Variants in ITSN1 observed in about 807,000 individuals in gnomAD.
The protein encoded by ITSN1 is intersectin 1.
In ITSN1, 58 loss-of-function variants were observed where a neutral mutation model predicts 239.8. The observed-to-expected ratio is 0.24, with a 90% confidence interval of 0.20 to 0.30. The LOEUF is 0.30. ITSN1 is among the 10% of genes least tolerant of loss of function. The pLI is 1.00. For missense variants in ITSN1, 1,558 were observed against 2,103.3 expected (o/e 0.74, Z 5.07); for synonymous variants, 780 against 770.8 (o/e 1.01, Z -0.20).
intron 1 of ITSN1, among the ~76,000 whole-genome samples, chr21:33,696,777 T>C (rs903391206): frequency 4.6e-5 from 7 of 152,186 alleles, no homozygotes; most frequent in Admixed American, 4.6e-4. Context: ...AGTTTCTTCT[T>C]TCCTAAAGCT....
intron 22 of ITSN1, among the ~76,000 whole-genome samples, chr21:33,815,277 G>A (rs1258914740): frequency 6.8e-6 from 1 of 148,140 alleles, no homozygotes; most frequent in Non-Finnish European, 1.5e-5. Flanking sequence ...TGTGTTCTGT[G>A]GTCTGGAAGA....
At chr21:33,853,697 G>A (rs1026018252) in intron 29 of ITSN1, among the ~76,000 whole-genome samples, 4 of 152,164 alleles carry the variant, frequency 2.6e-5, no homozygotes, top group Admixed American at 6.5e-5. Flanking sequence ...CAGGGTGCTC[G>A]TCTATTGGCA....
chr21:33,884,804 C>T (rs1260313343), intron 36 of ITSN1, among the ~76,000 whole-genome samples: 2 of 152,164 alleles, frequency 1.3e-5, no homozygotes, highest in African/African-American at 4.8e-5. Flanking sequence ...ATTTTCTTCC[C>T]CGGGGACATC....
At chr21:33,815,799 C>A (rs1004158492) in intron 22 of ITSN1, among the ~76,000 whole-genome samples, 6 of 152,018 alleles carry the variant, frequency 3.9e-5, no homozygotes, top group African/African-American at 1.5e-4. Flanking sequence ...TCAAGTTGGG[C>A]TGCATGATAT....
chr21:33,768,163 AC>A (rs1196169413), intron 11 of ITSN1, among the ~76,000 whole-genome samples: 1 of 152,244 alleles, frequency 6.6e-6, no homozygotes. Flanking sequence ...GCTTAATACC[AC>A]CAGTGCAGAA....
chr21:33,783,691 C>CA (rs11349210), intron 16 of ITSN1, among the ~76,000 whole-genome samples: 3,465 of 132,034 alleles, frequency 0.026, 33 homozygotes, highest in Middle Eastern at 0.043. Context: ...CTTTTATAAG[C>CA]AAAAAAAAAA....
In ITSN1 at chr21:33,845,241, G is replaced by C. The variant is rs190051592; in HGVS notation, c.3661+8609G>C. 8.2e-4 allele frequency among the ~76,000 whole-genome samples: 73 copies of C among 89,296 alleles called. 1 individual carries two copies. The East Asian group carries it at 0.014, about 17-fold the overall frequency. 58.6% of individuals were successfully genotyped at this position (89,296 alleles called of 152,430 possible). ...TGGCCCGAGAAAGCTCTCTGAAGAG[G>C]GGGGATGGAGACCTGGCTGCGGGGG... On this transcript the variant is annotated intron_variant, in intron 29 of 39. Transcript: ENST00000381318.
chr21:33,831,733 G>T (rs542986404), intron 27 of ITSN1, among the ~76,000 whole-genome samples: 30 of 152,234 alleles, frequency 2.0e-4, no homozygotes, highest in African/African-American at 6.7e-4. Flanking sequence ...TATAAGAAAC[G>T]CATCTTGGCC....
At chr21:33,839,043 G>A (rs2074734408) in intron 29 of ITSN1, among the ~76,000 whole-genome samples, 1 of 152,156 alleles carries the variant, frequency 6.6e-6, no homozygotes, top group Non-Finnish European at 1.5e-5. Flanking sequence ...TTCACTTATT[G>A]GACCTCTCCT....
At chr21:33,734,791 A>G (rs947748516) in intron 4 of ITSN1, among the ~76,000 whole-genome samples, 5 of 152,220 alleles carry the variant, frequency 3.3e-5, no homozygotes, top group African/African-American at 7.2e-5. Context: ...TTTGATGTCT[A>G]AAGTACAAAT....
intron 16 of ITSN1, among the ~76,000 whole-genome samples, chr21:33,789,279 T>G (rs1441689324): frequency 6.6e-6 from 1 of 152,218 alleles, no homozygotes; most frequent in Non-Finnish European, 1.5e-5. Flanking sequence ...TTTTTATGGA[T>G]GTGATATTAT....
At chr21:33,781,607 G>A (rs891081287) in intron 15 of ITSN1, 59 bp downstream of exon 15, 1 of 948,570 alleles carries the variant, frequency 1.1e-6, no homozygotes, top group East Asian at 2.7e-5. Flanking sequence ...TTGACATGGA[G>A]TCTCACTCTG....
At chr21:33,654,029 CCTCTTT>C (rs1291545756) in intron 1 of ITSN1, among the ~76,000 whole-genome samples, 1 of 151,738 alleles carries the variant, frequency 6.6e-6, no homozygotes, top group Non-Finnish European at 1.5e-5. Flanking sequence ...TTCTTTCCTT[CCTCTTT>C]CTCTTTCTTT....
chr21:33,866,840 A>AG (rs1163249334), intron 32 of ITSN1, among the ~76,000 whole-genome samples: 1 of 152,102 alleles, frequency 6.6e-6, no homozygotes, highest in Non-Finnish European at 1.5e-5. Flanking sequence ...CTGGGGTGTA[A>AG]GGGGAATTTT....
intron 20 of ITSN1, among the ~76,000 whole-genome samples, chr21:33,805,117 A>G (rs769918563): frequency 6.6e-6 from 1 of 152,228 alleles, no homozygotes; most frequent in Non-Finnish European, 1.5e-5. Flanking sequence ...AAGTCTGACC[A>G]GGTGGTTCTG....
At chr21:33,725,573 G>A (rs2147142903) in intron 4 of ITSN1, among the ~76,000 whole-genome samples, 1 of 152,210 alleles carries the variant, frequency 6.6e-6, no homozygotes, top group Middle Eastern at 3.4e-3. Flanking sequence ...TAGCGTGGGT[G>A]ACAGAGCAAG....
At chr21:33,729,014 G>T (rs148374964) in intron 4 of ITSN1, among the ~76,000 whole-genome samples, 2 of 152,324 alleles carry the variant, frequency 1.3e-5, no homozygotes, top group East Asian at 1.9e-4. Flanking sequence ...GCCAGGCTTT[G>T]TGGATGAACT....
chr21:33,796,333 GT>G (rs2071560670), intron 17 of ITSN1, among the ~76,000 whole-genome samples: 1 of 152,012 alleles, frequency 6.6e-6, no homozygotes, highest in Non-Finnish European at 1.5e-5. Context: ...TCCAAAAAAT[GT>G]TTTTATACTT....
In ITSN1 at chr21:33,676,517, C is replaced by T. The variant is rs1009004793; in HGVS notation, c.-33+33804C>T. ...CGCTGGGATTATAGGCATGAGCCAC[C>T]GTGCCCAGCCTCTGCCACACTTCCA... On this transcript the variant is annotated intron_variant, in intron 1 of 39. Transcript: ENST00000381318. Among the ~76,000 whole-genome samples the T allele has an allele frequency of 7.2e-5, 11 of 152,156 alleles. No homozygotes were observed. The East Asian group carries it at 9.6e-4, about 13-fold the overall frequency.
Sources: gnomAD v4.1 joint callset for allele counts (sites outside exome capture counted in the v4.1 genomes callset) on GRCh38, gnomAD v4.1.1 for gene constraint, MANE v1.5 for transcripts, NCBI Gene and HGNC (gene_info 2026-07-23, HGNC 2026-07-21) for gene names.